TYW1: variants seen among roughly 807,000 people sequenced by gnomAD.
TYW1 encodes the protein tRNA-yW synthesizing protein 1 homolog.
In TYW1, 46 loss-of-function variants were observed where a neutral mutation model predicts 96.2. That is an observed-to-expected ratio of 0.48 (90% CI 0.38 to 0.61). TYW1 has a LOEUF of 0.61. TYW1 is among the 20% of genes least tolerant of loss of function. TYW1 has a pLI of 0.00. For missense variants in TYW1, 684 were observed against 909.6 expected (o/e 0.75, Z 3.19); for synonymous variants, 274 against 323.0 (o/e 0.85, Z 1.63).
Position 67,014,462 on chromosome 7 carries a change from A to G in TYW1, c.471A>G (p.Glu157=). 3 of 1,613,998 alleles carry G rather than the reference A, an allele frequency of 1.9e-6. No homozygotes were observed. Among genetic ancestry groups the G allele is most frequent in the Non-Finnish European group, 2.5e-6 (3 of 1,179,870 alleles). Residue 157 remains glutamate, a synonymous_variant, in exon 5 of 16, where the codon GAA becomes GAG. Coordinates refer to ENST00000359626, the MANE Select transcript of TYW1 (RefSeq NM_018264.4). ...SAEWFCKWLE[E]ASIDFRFGKT... ...AGTGGTTCTGCAAATGGTTAGAGGAAGCATCCATTGATTTTCGATTTGGCA... is the reference window on the plus strand; with the variant it reads ...AGTGGTTCTGCAAATGGTTAGAGGAGGCATCCATTGATTTTCGATTTGGCA...
At chr7:67,047,847 GCA>G (rs1381421038) in intron 7 of TYW1, among the ~76,000 whole-genome samples, 1 of 144,428 alleles carries the variant, frequency 6.9e-6, no homozygotes, top group Non-Finnish European at 1.5e-5. Flanking sequence ...GAGTGCAGTG[GCA>G]CAGTCTTGGC....
chr7:67,184,196 C>T (rs1231733154), intron 14 of TYW1, among the ~76,000 whole-genome samples: 1 of 152,136 alleles, frequency 6.6e-6, no homozygotes, highest in Non-Finnish European at 1.5e-5. Flanking sequence ...TTTTAATTTC[C>T]TCTTCTATGT....
chr7:67,001,541 C>T (rs181080864), intron 3 of TYW1, among the ~76,000 whole-genome samples: 2,695 of 151,672 alleles, frequency 0.018, 82 homozygotes, highest in African/African-American at 0.061. Context: ...TCTGCCTCAG[C>T]CTCCTGAGTA....
intron 15 of TYW1, among the ~76,000 whole-genome samples, chr7:67,204,100 G>A (rs918957720): frequency 1.2e-5 from 1 of 85,706 alleles, no homozygotes; most frequent in African/African-American, 4.9e-5. Flanking sequence ...CTTTGGGTCT[G>A]TTGTTTTGGA....
At chr7:67,133,108 C>T (rs955010623) in intron 13 of TYW1, among the ~76,000 whole-genome samples, 5 of 152,272 alleles carry the variant, frequency 3.3e-5, no homozygotes, top group Admixed American at 3.3e-4. Context: ...TTTCTATCCT[C>T]ACGAATACTT....
At chr7:67,020,717 T>C (rs962418276) in intron 6 of TYW1, among the ~76,000 whole-genome samples, 2 of 152,280 alleles carry the variant, frequency 1.3e-5, no homozygotes, top group Non-Finnish European at 2.9e-5. Context: ...TCTAGCTACG[T>C]GGTCTCCTTG....
At chr7:67,016,382 T>C (rs1794023094) in intron 5 of TYW1, among the ~76,000 whole-genome samples, 1 of 151,596 alleles carries the variant, frequency 6.6e-6, no homozygotes, top group Non-Finnish European at 1.5e-5. Flanking sequence ...ACCCCATCTC[T>C]ACTAAAAATA....
In TYW1 at chr7:67,055,998, G is replaced by C. The variant is rs1276455170; in HGVS notation, c.1155+111G>C. The C allele has an allele frequency of 1.8e-5, 15 of 826,734 alleles. No homozygotes were observed. In the Admixed American group the frequency reaches 2.7e-4, roughly 15 times the overall value. 51.2% of individuals were successfully genotyped at this position (826,734 alleles called of 1,614,324 possible). ...TAGAGGTATAATTTACATTTAATTT[G>C]CACAGATTTTTAAATGATTCTTTAA... On this transcript the variant is annotated intron_variant, in intron 9 of 15. Coordinates refer to ENST00000359626, the MANE Select transcript of TYW1 (RefSeq NM_018264.4).
intron 15 of TYW1, among the ~76,000 whole-genome samples, chr7:67,226,209 T>A: frequency 6.6e-6 from 1 of 152,172 alleles, no homozygotes; most frequent in Non-Finnish European, 1.5e-5. Context: ...TAGTTTATAG[T>A]TTATAATTTA....
At chr7:67,066,615 G>C (rs1296513180) in intron 9 of TYW1, among the ~76,000 whole-genome samples, 2 of 152,194 alleles carry the variant, frequency 1.3e-5, no homozygotes, top group Non-Finnish European at 2.9e-5. Flanking sequence ...TGAAGAGGCT[G>C]AGGTGGGAGG....
At position 67,183,360 on chromosome 7, in the gene TYW1, A is replaced by G. The variant is rs1799902551; in HGVS notation, c.1809+124A>G. The G allele has an allele frequency of 1.6e-5, 13 of 798,684 alleles. 1 individual carries two copies. In the South Asian group the frequency reaches 2.5e-4, roughly 16 times the overall value. The allele number at this position is 798,684 out of a possible 1,614,324, so 49.5% of individuals were successfully genotyped here. A position where few individuals can be genotyped will look rare whatever the true frequency, so the allele number is the denominator to read the frequency against. On this transcript the variant is annotated intron_variant, in intron 14 of 15. Coordinates refer to ENST00000359626, the MANE Select transcript of TYW1 (RefSeq NM_018264.4). ...TCCCAGGAATTTTATTGATGTATTC[A>G]TTTCGTGATCGATATTCATCAAGAA... is the stretch of plus-strand genomic sequence containing the variant.
rs570366631 is a variant in TYW1, at chr7:67,036,135, C to T, written c.984+11113C>T. 1.4e-4 allele frequency among the ~76,000 whole-genome samples: 21 copies of T among 148,412 alleles called. 1 individual carries two copies. The South Asian group carries it at 4.5e-3, about 32-fold the overall frequency. On this transcript the variant is annotated intron_variant, in intron 7 of 15. Transcript: ENST00000359626. ...TTTGGTGTCATGTTGGCAGTGGCAACTTATAATGAGTCTAAAAGTCTGAGC... is the reference window on the plus strand; with the variant it reads ...TTTGGTGTCATGTTGGCAGTGGCAATTTATAATGAGTCTAAAAGTCTGAGC...
At chr7:67,125,520 AC>A (rs762044971) in intron 13 of TYW1, among the ~76,000 whole-genome samples, 33 of 152,062 alleles carry the variant, frequency 2.2e-4, no homozygotes, top group Non-Finnish European at 4.6e-4. Flanking sequence ...TATCAACATC[AC>A]CCGCAAGAGT....
chr7:67,136,565 G>A (rs6950847), intron 13 of TYW1, among the ~76,000 whole-genome samples: 41,997 of 151,644 alleles, frequency 0.28, 6,660 homozygotes, highest in African/African-American at 0.44. Context: ...CTGATGAACT[G>A]TGATGACTGT....
chr7:67,017,024 C>T (rs892341029), intron 5 of TYW1, among the ~76,000 whole-genome samples: 8 of 148,992 alleles, frequency 5.4e-5, no homozygotes, highest in African/African-American at 2.0e-4. Context: ...ACTCTCTTGC[C>T]CAGGCTGGAG....
At chr7:67,107,359 A>T (rs1467613239) in intron 12 of TYW1, among the ~76,000 whole-genome samples, 1 of 152,204 alleles carries the variant, frequency 6.6e-6, no homozygotes, top group East Asian at 1.9e-4. Flanking sequence ...TGCACTAAAC[A>T]TATGAAGTTT....
chr7:67,096,759 G>A (rs1242007106), intron 11 of TYW1, among the ~76,000 whole-genome samples: 2 of 152,056 alleles, frequency 1.3e-5, no homozygotes, highest in Non-Finnish European at 2.9e-5. Context: ...ATAGGCCCCA[G>A]TGTGTGTCAT....
At chr7:67,187,116 C>T (rs1026465064) in intron 14 of TYW1, among the ~76,000 whole-genome samples, 9 of 138,060 alleles carry the variant, frequency 6.5e-5, no homozygotes, top group African/African-American at 2.2e-4. Flanking sequence ...CAGACTGGAG[C>T]GCAGTGGCAC....
intron 13 of TYW1, among the ~76,000 whole-genome samples, chr7:67,127,041 T>A (rs1162804379): frequency 1.3e-5 from 2 of 152,230 alleles, no homozygotes; most frequent in East Asian, 3.9e-4. Flanking sequence ...TCACTTGTTG[T>A]TTTTTTAGTG....
Sources: gnomAD v4.1 joint callset for allele counts (sites outside exome capture counted in the v4.1 genomes callset) on GRCh38, gnomAD v4.1.1 for gene constraint, MANE v1.5 for transcripts, NCBI Gene and HGNC (gene_info 2026-07-23, HGNC 2026-07-21) for gene names.